FAM177A1: variants seen among roughly 807,000 people sequenced by gnomAD.
FAM177A1 encodes family with sequence similarity 177 member A1.
A neutral mutation model predicts 26.1 loss-of-function variants in FAM177A1; 22 were observed. The ratio of observed to expected loss-of-function variants is 0.84; its 90% CI spans 0.60 to 1.20. FAM177A1 has a LOEUF of 1.20. Among genes scored for constraint, FAM177A1 ranks in the 50% most tolerant of loss-of-function variants. The pLI, the probability that FAM177A1 is intolerant of heterozygous loss-of-function variation, is 0.00. For missense variants in FAM177A1, 296 were observed against 291.1 expected (o/e 1.02, Z -0.12); for synonymous variants, 95 against 99.3 (o/e 0.96, Z 0.26).
chr14:35,051,433 GAGACAGTCT>G (rs2044969263), intron 1 of FAM177A1, among the ~76,000 whole-genome samples: 1 of 151,710 alleles, frequency 6.6e-6, no homozygotes, highest in Non-Finnish European at 1.5e-5. Context: ...TTATTTTTTT[GAGACAGTCT>G]GGCTCTGTTG....
chr14:35,078,948 A>T lies in FAM177A1; in HGVS notation c.428A>T (p.Lys143Met). Residue 143 changes from lysine (K) to methionine (M), a missense_variant, in exon 4 of 5, where the codon AAG becomes ATG. Physicochemically the swap from Lys to Met is moderately conservative, Grantham distance 95. Coordinates refer to ENST00000280987, the MANE Select transcript of FAM177A1 (RefSeq NM_173607.5). ...TLSVCDFLGE[K>M]IASVLGISTP... ...TCAGTGTGTGACTTCCTTGGAGAGAAGATTGCATCTGTTTTGGGTATCAGC... is the reference window on the plus strand; with the variant it reads ...TCAGTGTGTGACTTCCTTGGAGAGATGATTGCATCTGTTTTGGGTATCAGC... 1 of 1,543,970 alleles carries T rather than the reference A, an allele frequency of 6.5e-7. No homozygotes were observed. The highest frequency in any genetic ancestry group is 8.6e-7 in the Non-Finnish European group (1 of 1,157,636).
chr14:35,079,586 C>T (rs146318302), intron 4 of FAM177A1, among the ~76,000 whole-genome samples: 218 of 152,314 alleles, frequency 1.4e-3, no homozygotes, highest in African/African-American at 5.1e-3. Flanking sequence ...CGTTCTACCA[C>T]TTAAAACTTT....
chr14:35,046,596 G>A lies in FAM177A1; in HGVS notation c.133G>A (p.Ala45Thr). 1.3e-6 allele frequency: 2 copies of A among 1,552,794 alleles called. No homozygotes were observed. The highest frequency in any genetic ancestry group is 4.9e-5 in the East Asian group (2 of 40,824). ...AGCCGTCGCAGCCTCGGGAGCTGCG[G>A]CCGCCGCGGCATTCGGGGAATCTGC... The part of the protein sequence containing the change: ...GEAVAASGAA[A>T]AAAFGESAGQ... The change falls in exon 1 of 5, where the codon GCC becomes ACC. Residue 45 changes from alanine (A) to threonine (T), a missense_variant. Ala to Thr is a moderately conservative substitution (Grantham distance 58). Coordinates refer to ENST00000280987, the MANE Select transcript of FAM177A1 (RefSeq NM_173607.5).
intron 2 of FAM177A1, among the ~76,000 whole-genome samples, chr14:35,065,299 T>C (rs184184607): frequency 2.4e-4 from 36 of 151,416 alleles, no homozygotes; most frequent in African/African-American, 8.7e-4. Context: ...GAATACATTA[T>C]GGTTTAATAT....
intron 2 of FAM177A1, among the ~76,000 whole-genome samples, chr14:35,069,398 G>A (rs1161102841): frequency 6.6e-6 from 1 of 150,816 alleles, no homozygotes; most frequent in African/African-American, 2.4e-5. Context: ...CGATTCTCCT[G>A]CCTCAGCCTC....
At chr14:35,072,787 G>A (rs2138563033) in intron 2 of FAM177A1, among the ~76,000 whole-genome samples, 1 of 152,082 alleles carries the variant, frequency 6.6e-6, no homozygotes, top group Middle Eastern at 3.4e-3. Context: ...AATATCTCTG[G>A]TGTTGTGTCT....
intron 2 of FAM177A1, among the ~76,000 whole-genome samples, chr14:35,055,340 T>C (rs1383059174): frequency 2.2e-5 from 1 of 46,404 alleles, no homozygotes; most frequent in African/African-American, 6.2e-5. Context: ...ACACAGAAAA[T>C]ATTCAAAGAT....
At chr14:35,069,247 A>C (rs1032033290) in intron 2 of FAM177A1, among the ~76,000 whole-genome samples, 4 of 151,986 alleles carry the variant, frequency 2.6e-5, no homozygotes, top group African/African-American at 9.6e-5. Flanking sequence ...TTCCTGCCAT[A>C]GACCAATACA....
intron 2 of FAM177A1, among the ~76,000 whole-genome samples, chr14:35,067,875 G>T (rs2045263394): frequency 6.6e-6 from 1 of 152,036 alleles, no homozygotes; most frequent in African/African-American, 2.4e-5. Flanking sequence ...TAATTAGGTT[G>T]TTTTTTTGCT....
intron 2 of FAM177A1, among the ~76,000 whole-genome samples, chr14:35,073,251 G>C (rs895780767): frequency 6.6e-6 from 1 of 152,098 alleles, no homozygotes; most frequent in Non-Finnish European, 1.5e-5. Context: ...TTGTATTTTA[G>C]TAAAGACAGG....
intron 1 of FAM177A1, chr14:35,047,043 T>G: frequency 1.0e-6 from 1 of 992,014 alleles, no homozygotes; most frequent in Non-Finnish European, 1.2e-6. Context: ...GCCAAACGTT[T>G]ACCAGCTTTA....
At chr14:35,063,937 A>G (rs1156673251) in intron 2 of FAM177A1, among the ~76,000 whole-genome samples, 1 of 147,328 alleles carries the variant, frequency 6.8e-6, no homozygotes, top group Non-Finnish European at 1.5e-5. Context: ...AATCCCAGCT[A>G]CTCGGGAGGC....
At chr14:35,070,395 T>C (rs1173030936) in intron 2 of FAM177A1, among the ~76,000 whole-genome samples, 1 of 151,702 alleles carries the variant, frequency 6.6e-6, no homozygotes, top group African/African-American at 2.4e-5. Context: ...AGTGGCATGA[T>C]CTCGCCTCGC....
At chr14:35,052,121 C>G (rs774080639) in intron 1 of FAM177A1, among the ~76,000 whole-genome samples, 1 of 152,200 alleles carries the variant, frequency 6.6e-6, no homozygotes, top group South Asian at 2.1e-4. Context: ...TTTGACTACT[C>G]CCTTGCCTTC....
At chr14:35,060,333 G>T (rs2045132432) in intron 2 of FAM177A1, among the ~76,000 whole-genome samples, 1 of 152,046 alleles carries the variant, frequency 6.6e-6, no homozygotes. Flanking sequence ...CTCTCTGCTT[G>T]ATGTGATACT....
At chr14:35,067,356 G>C (rs1216008305) in intron 2 of FAM177A1, among the ~76,000 whole-genome samples, 1 of 152,174 alleles carries the variant, frequency 6.6e-6, no homozygotes, top group East Asian at 1.9e-4. Context: ...ACAAATGACA[G>C]AATTCCCTAT....
chr14:35,047,289 G>A (rs1221102455), intron 1 of FAM177A1, among the ~76,000 whole-genome samples: 2 of 152,198 alleles, frequency 1.3e-5, no homozygotes, highest in African/African-American at 4.8e-5. Context: ...AAATTACTAT[G>A]AAAGTTATTA....
chr14:35,053,165 C>T, intron 1 of FAM177A1, 113 bp from the exon 2 acceptor site: 3 of 972,126 alleles, frequency 3.1e-6, no homozygotes, highest in Middle Eastern at 3.3e-4. Flanking sequence ...CAAACCAAAA[C>T]TGCTTAAAGA....
chr14:35,046,978 T>G (rs1220332667), intron 1 of FAM177A1: 1 of 1,071,914 alleles, frequency 9.3e-7, no homozygotes, highest in Non-Finnish European at 1.1e-6. Context: ...CAACCACTTC[T>G]CAGTCTCTTC....
Sources: gnomAD v4.1 joint callset for allele counts (sites outside exome capture counted in the v4.1 genomes callset) on GRCh38, gnomAD v4.1.1 for gene constraint, MANE v1.5 for transcripts, NCBI Gene and HGNC (gene_info 2026-07-23, HGNC 2026-07-21) for gene names.